Variants in AHRR observed in about 807,000 individuals in gnomAD.
AHRR encodes the protein ahR repressor.
A neutral mutation model predicts 44.0 loss-of-function variants in AHRR; 28 were observed. That is an observed-to-expected ratio of 0.64 (90% confidence interval 0.47 to 0.87). The LOEUF (loss-of-function observed/expected upper bound fraction) is 0.87. Ranked by LOEUF, AHRR falls within the 40% of genes least tolerant of loss-of-function variation. The pLI, the probability that AHRR is intolerant of heterozygous loss-of-function variation, is 0.00. For missense variants in AHRR, 990 were observed against 953.9 expected, an observed-to-expected ratio of 1.04 and a Z score of -0.50; for synonymous variants, 434 against 407.0, an observed-to-expected ratio of 1.07 and a Z score of -0.80.
rs1316856074 is a variant in AHRR, at chr5:406,645, A to G, written c.352-6699A>G. Among the ~76,000 whole-genome samples, 1 of 152,252 alleles carries G rather than the reference A, an allele frequency of 6.6e-6. No individual in the cohort carries two copies. The highest frequency in any genetic ancestry group is 1.5e-5 in the Non-Finnish European group (1 of 68,050). ...ACAGAGGTTAGGAAAACGCTGGTGC[A>G]AAAATACGATGCAGGCAGCTCAAAG... On this transcript the variant is annotated intron_variant, in intron 4 of 10. Transcript: ENST00000684583. The surrounding 1 kb of genome is among the most constrained non-coding windows in gnomAD (Gnocchi z 4.7).
chr5:426,347 G>C lies in AHRR; in HGVS notation c.709-1460G>C, dbSNP rs921938347. On this transcript the variant is annotated intron_variant, in intron 7 of 10. Coordinates refer to ENST00000684583, the MANE Select transcript of AHRR (RefSeq NM_001377236.1). Reference sequence around the variant, plus strand: ...TAGGAAGATGATGGATGGATGGATGGGAAGATGGATGGGTGGATGGATGGA... The same window carrying C: ...TAGGAAGATGATGGATGGATGGATGCGAAGATGGATGGGTGGATGGATGGA... Among the ~76,000 whole-genome samples, 4 of 150,354 alleles carry C rather than the reference G, an allele frequency of 2.7e-5. No homozygotes were observed. In the Admixed American group the frequency reaches 2.7e-4, roughly 10 times the overall value.
chr5:421,705 C>G (rs1315096876), intron 5 of AHRR, among the ~76,000 whole-genome samples: 1 of 150,998 alleles, frequency 6.6e-6, no homozygotes, highest in Non-Finnish European at 1.5e-5. Context: ...TGCGGAGGCA[C>G]AGACAGAGTC....
chr5:331,022 G>A (rs187466941), intron 1 of AHRR, among the ~76,000 whole-genome samples: 6 of 151,720 alleles, frequency 4.0e-5, no homozygotes, highest in Admixed American at 2.0e-4. Context: ...GACTACAGGC[G>A]CGTGCCACCA....
chr5:417,558 A>C (rs1735884814), intron 5 of AHRR, among the ~76,000 whole-genome samples: 1 of 152,250 alleles, frequency 6.6e-6, no homozygotes, highest in South Asian at 2.1e-4. Context: ...TGAGTTCTCC[A>C]GATGCACCCA....
intron 5 of AHRR, among the ~76,000 whole-genome samples, chr5:418,260 ACAT>A (rs1473371299): frequency 6.6e-6 from 1 of 152,192 alleles, no homozygotes; most frequent in Non-Finnish European, 1.5e-5. Flanking sequence ...GATAATTTTA[ACAT>A]CATGCTCTCC....
intron 4 of AHRR, among the ~76,000 whole-genome samples, chr5:407,532 G>C (rs947821663): frequency 1.9e-4 from 29 of 151,876 alleles, no homozygotes; most frequent in African/African-American, 2.7e-4. Context: ...ATTTTATTTG[G>C]GTTATTTTAT....
At chr5:339,461 G>T (rs1742257313) in intron 1 of AHRR, among the ~76,000 whole-genome samples, 1 of 152,150 alleles carries the variant, frequency 6.6e-6, no homozygotes, top group Non-Finnish European at 1.5e-5. Context: ...TCTGCGAACA[G>T]ATAGAGTTTT....
chr5:413,372 G>C lies in AHRR; in HGVS notation c.380G>C (p.Ser127Thr). The change falls in exon 5 of 11, where the codon AGT (serine) becomes ACT (threonine). Residue 127 changes from serine to threonine, a missense_variant. Transcript: ENST00000684583. ...ESLNGFALVV[S>T]AEGTIFYASA... ...CTTAATGGCTTTGCTCTGGTCGTGA[G>C]TGCAGAAGGGACGATATTTTATGCA... 2 of 1,613,642 alleles carry C rather than the reference G, an allele frequency of 1.2e-6. No homozygotes were observed. Among genetic ancestry groups the C allele is most frequent in the Non-Finnish European group, 1.7e-6 (2 of 1,179,796 alleles).
chr5:390,059 C>T (rs764644460), intron 4 of AHRR, among the ~76,000 whole-genome samples: 22 of 151,778 alleles, frequency 1.4e-4, no homozygotes, highest in African/African-American at 4.8e-4. Flanking sequence ...CAAAGATGCG[C>T]GGGACGAAGA....
At chr5:414,449 A>G (rs889226289) in intron 5 of AHRR, among the ~76,000 whole-genome samples, 2 of 152,106 alleles carry the variant, frequency 1.3e-5, no homozygotes, top group African/African-American at 4.8e-5. Context: ...CTGCAGACTG[A>G]TAGATTTCTG....
chr5:399,228 G>A (rs991295085), intron 4 of AHRR, among the ~76,000 whole-genome samples: 5 of 152,238 alleles, frequency 3.3e-5, no homozygotes, highest in Admixed American at 1.3e-4. Flanking sequence ...AGGGCGTGGG[G>A]TCCCAGGCTT....
At chr5:366,496 G>A (rs1383475838) in intron 3 of AHRR, among the ~76,000 whole-genome samples, 1 of 152,146 alleles carries the variant, frequency 6.6e-6, no homozygotes, top group Admixed American at 6.5e-5. Flanking sequence ...TAAGAAGAGA[G>A]ATGACTATAG....
At chr5:368,785 G>C (rs555004558) in intron 3 of AHRR, among the ~76,000 whole-genome samples, 1 of 152,222 alleles carries the variant, frequency 6.6e-6, no homozygotes, top group Non-Finnish European at 1.5e-5. Flanking sequence ...AGAGAAACGC[G>C]TGGGCACTGC....
chr5:347,251 T>G (rs372222452), intron 2 of AHRR, among the ~76,000 whole-genome samples: 1 of 152,268 alleles, frequency 6.6e-6, no homozygotes. Flanking sequence ...CCTCTTGATT[T>G]GTAAGAACTT....
At chr5:401,713 C>G (rs1474157775) in intron 4 of AHRR, among the ~76,000 whole-genome samples, 1 of 152,218 alleles carries the variant, frequency 6.6e-6, no homozygotes, top group Non-Finnish European at 1.5e-5. Context: ...GCCGCAGCTT[C>G]TGAGTCACCG....
In AHRR at chr5:387,453, G is replaced by A. The variant is rs978477520; in HGVS notation, c.351+10737G>A. On this transcript the variant is annotated intron_variant, in intron 4 of 10. Transcript: ENST00000684583. The surrounding 1 kb of genome is among the most constrained non-coding windows in gnomAD (Gnocchi z 5.1). ...TGTACAGCAGGGACCCCATTGTGGGGGTCCTCCATCCACAGGGACGGATTT... is the reference window on the plus strand; with the variant it reads ...TGTACAGCAGGGACCCCATTGTGGGAGTCCTCCATCCACAGGGACGGATTT... Among the ~76,000 whole-genome samples the A allele has an allele frequency of 2.0e-5, 3 of 152,202 alleles. No homozygotes were observed. The highest frequency in any genetic ancestry group is 4.4e-5 in the Non-Finnish European group (3 of 68,040).
At chr5:427,591 G>T in intron 7 of AHRR, 1 of 1,607,436 alleles carries the variant, frequency 6.2e-7, no homozygotes, top group Non-Finnish European at 8.5e-7. Flanking sequence ...AACTGGGAGT[G>T]GGGGATGGTT....
rs749647355 is a variant in AHRR at position 434,916 on chromosome 5, G to A, written c.*82G>A. 59 of 1,469,892 alleles carry A rather than the reference G, an allele frequency of 4.0e-5. No individual in the cohort carries two copies. The highest frequency in any genetic ancestry group is 5.2e-5 in the Non-Finnish European group (57 of 1,103,930). The allele number at this position is 1,469,892 out of a possible 1,614,324, so 91.1% of individuals were successfully genotyped here. On this transcript the variant is annotated 3_prime_UTR_variant, in exon 11 of 11. Transcript: ENST00000684583. The stretch of plus-strand genomic sequence containing the variant: ...GCTGGGCTGCCCTGCTCCTGGTCAG[G>A]CCGGAGCCCGTCCTAAGACACACGC...
At position 434,756 on chromosome 5, in the gene AHRR, G is replaced by C; in HGVS notation, c.2016G>C (p.Met672Ile). The change falls in exon 11 of 11, where the codon ATG (methionine) becomes ATC (isoleucine). Residue 672 changes from methionine to isoleucine, a missense_variant. Coordinates refer to ENST00000684583, the MANE Select transcript of AHRR (RefSeq NM_001377236.1). ...AGTGGGCTACTCACAGCCAGGGAAT[G>C]GTGCCCGGGATGTTGCCCAAAAGTG... ...SPQWATHSQG[M>I]VPGMLPKSAL... 4.5e-6 allele frequency: 7 copies of C among 1,565,514 alleles called. No individual in the cohort carries two copies. Among genetic ancestry groups the C allele is most frequent in the Non-Finnish European group, 6.1e-6 (7 of 1,154,816 alleles).
Sources: gnomAD v4.1 joint callset for allele counts (sites outside exome capture counted in the v4.1 genomes callset) on GRCh38, gnomAD v4.1.1 for gene constraint, Gnocchi (gnomAD v3.1) non-coding constraint, MANE v1.5 for transcripts, NCBI Gene and HGNC (gene_info 2026-07-23, HGNC 2026-07-21) for gene names.